The following NAV3 variants were observed in gnomAD, a reference collection of about 807,000 sequenced individuals.
NAV3 encodes neuron navigator 3.
In NAV3, 87 loss-of-function variants were observed where a neutral mutation model predicts 244.7. The ratio of observed to expected loss-of-function variants is 0.36; its 90% confidence interval spans 0.30 to 0.42. The LOEUF is 0.42. NAV3 is among the 20% of genes least tolerant of loss of function. NAV3 has a pLI of 1.00. For missense variants in NAV3, 2,663 were observed against 2,893.3 expected, an observed-to-expected ratio of 0.92 and a Z score of 1.83; for synonymous variants, 1,126 against 1,042.2, an observed-to-expected ratio of 1.08 and a Z score of -1.55.
chr12:77,784,876 C>T (rs1232649365), intron 2 of NAV3, among the ~76,000 whole-genome samples: 1 of 152,126 alleles, frequency 6.6e-6, no homozygotes, highest in African/African-American at 2.4e-5. Context: ...AGAACTCAGT[C>T]CACACCAGAT....
At position 77,682,648 on chromosome 12, in the gene NAV3, A is replaced by G. The variant is rs544654518; in HGVS notation, c.72+110382A>G. On this transcript the variant is annotated intron_variant, in intron 2 of 8. Transcript: ENST00000550042. ...TGTGCAAAGGTTCTCTTTTCTCCAC[A>G]TTCTTGCCAGTACTTGTTATCATTT... is the stretch of plus-strand genomic sequence containing the variant. 6.6e-5 allele frequency among the ~76,000 whole-genome samples: 10 copies of G among 152,266 alleles called. No homozygotes were observed. The South Asian group carries it at 2.1e-3, about 32-fold the overall frequency.
intron 1 of NAV3, among the ~76,000 whole-genome samples, chr12:77,920,881 C>G (rs917537282): frequency 6.6e-6 from 1 of 152,078 alleles, no homozygotes; most frequent in African/African-American, 2.4e-5. Flanking sequence ...TAGTAGTAGA[C>G]TTTCCAAGGT....
intron 1 of NAV3, among the ~76,000 whole-genome samples, chr12:77,871,730 C>G (rs1329459568): frequency 6.6e-6 from 1 of 152,078 alleles, no homozygotes; most frequent in Non-Finnish European, 1.5e-5. Context: ...CTATTGTGAA[C>G]AGTGCTGCAG....
At chr12:78,153,516 G>A (rs187592266) in intron 22 of NAV3, among the ~76,000 whole-genome samples, 2 of 152,198 alleles carry the variant, frequency 1.3e-5, no homozygotes, top group East Asian at 3.9e-4. Context: ...AATGGTAATA[G>A]CAAACAATAA....
chr12:77,954,317 A>C (rs1486139946), intron 3 of NAV3, among the ~76,000 whole-genome samples: 1 of 152,212 alleles, frequency 6.6e-6, no homozygotes, highest in East Asian at 1.9e-4. Context: ...GCCATCTGCC[A>C]GTTGTGTAGT....
intron 1 of NAV3, among the ~76,000 whole-genome samples, chr12:77,887,815 C>T (rs1249341212): frequency 1.3e-5 from 2 of 151,926 alleles, no homozygotes; most frequent in African/African-American, 2.4e-5. Flanking sequence ...TTCAGTGAAG[C>T]TTATAACAAG....
intron 33 of NAV3, among the ~76,000 whole-genome samples, chr12:78,189,346 T>C (rs146097434): frequency 5.3e-5 from 8 of 151,862 alleles, no homozygotes; most frequent in African/African-American, 1.4e-4. Flanking sequence ...AAACTGTGAG[T>C]TAATAGAGGA....
intron 11 of NAV3, among the ~76,000 whole-genome samples, chr12:78,054,467 C>G (rs1297295232): frequency 1.3e-5 from 2 of 152,126 alleles, no homozygotes; most frequent in Non-Finnish European, 2.9e-5. Context: ...ACTAAACAGT[C>G]ATAGAACATG....
At chr12:77,977,735 C>T (rs915914108) in intron 5 of NAV3, among the ~76,000 whole-genome samples, 2 of 151,562 alleles carry the variant, frequency 1.3e-5, no homozygotes, top group African/African-American at 4.9e-5. Context: ...CACACACACA[C>T]ACACACTCTC....
intron 28 of NAV3, among the ~76,000 whole-genome samples, chr12:78,178,228 C>T (rs1321400225): frequency 6.7e-6 from 1 of 149,700 alleles, no homozygotes; most frequent in Non-Finnish European, 1.5e-5. Flanking sequence ...GTCAAGATCT[C>T]GGTTCACTGC....
At chr12:77,757,618 C>T (rs999896083) in intron 2 of NAV3, among the ~76,000 whole-genome samples, 6 of 152,118 alleles carry the variant, frequency 3.9e-5, no homozygotes, top group African/African-American at 1.4e-4. Context: ...ATAATGTTTT[C>T]CCTGAAAGTT....
chr12:78,122,975 A>AT, intron 16 of NAV3, among the ~76,000 whole-genome samples: 1 of 151,688 alleles, frequency 6.6e-6, no homozygotes, highest in Non-Finnish European at 1.5e-5. Context: ...TGTCAGTGCC[A>AT]TTTTCAATAG....
At chr12:77,837,321 A>G (rs901423174) in intron 1 of NAV3, among the ~76,000 whole-genome samples, 11 of 151,990 alleles carry the variant, frequency 7.2e-5, no homozygotes, top group African/African-American at 2.7e-4. Context: ...TATGGAAAAC[A>G]GCAGGTAGAC....
At chr12:77,711,570 C>T (rs1187206691) in intron 2 of NAV3, among the ~76,000 whole-genome samples, 1 of 152,078 alleles carries the variant, frequency 6.6e-6, no homozygotes, top group Admixed American at 6.6e-5. Context: ...CCTTTTTTGG[C>T]CATGGTATGG....
chr12:77,968,773 T>C, intron 5 of NAV3, 71 bp downstream of exon 5: 1 of 1,448,154 alleles, frequency 6.9e-7, no homozygotes, highest in Non-Finnish European at 9.5e-7. Flanking sequence ...AACAAATTAT[T>C]GTCCATGAGT....
chr12:77,703,430 G>A (rs1875649660), intron 2 of NAV3, among the ~76,000 whole-genome samples: 1 of 152,040 alleles, frequency 6.6e-6, no homozygotes, highest in South Asian at 2.1e-4. Context: ...CTTCAGGTGT[G>A]AGGCATTCAA....
chr12:78,159,146 C>A, intron 22 of NAV3, 57 bp from the exon 23 acceptor site: 1 of 1,447,990 alleles, frequency 6.9e-7, no homozygotes, highest in Non-Finnish European at 9.6e-7. Flanking sequence ...GAAGGCTTTT[C>A]ATCCATCCAC....
chr12:77,752,143 T>C (rs367963723), intron 2 of NAV3, among the ~76,000 whole-genome samples: 129 of 152,308 alleles, frequency 8.5e-4, no homozygotes, highest in African/African-American at 3.0e-3. Flanking sequence ...ATAAAAGGTA[T>C]GAGTTTTCTT....
chr12:77,579,288 A>T (rs1869237939), intron 2 of NAV3, among the ~76,000 whole-genome samples: 1 of 152,252 alleles, frequency 6.6e-6, no homozygotes, highest in Non-Finnish European at 1.5e-5. Context: ...GAACCCTGTT[A>T]GTTGAGCTTA....
Sources: allele counts gnomAD v4.1 joint callset (sites outside exome capture counted in the v4.1 genomes callset), GRCh38; gene constraint gnomAD v4.1.1; transcripts MANE v1.5; gene names NCBI Gene and HGNC (gene_info 2026-07-23, HGNC 2026-07-21).